Variants in PHF14 observed in about 807,000 individuals in gnomAD.
The protein encoded by PHF14 is PHD finger protein 14.
PHF14 carries 55 observed loss-of-function variants against 117.9 expected under a neutral mutation model. The observed-to-expected ratio is 0.47, with a 90% CI of 0.38 to 0.58. The LOEUF (loss-of-function observed/expected upper bound fraction) is 0.58. PHF14 is among the 20% of genes least tolerant of loss of function. The pLI, the probability that PHF14 is intolerant of heterozygous loss-of-function variation, is 0.00. For missense variants in PHF14, 978 were observed against 1,122.2 expected (o/e 0.87, Z 1.84); for synonymous variants, 409 against 368.6 (o/e 1.11, Z -1.26).
chr7:11,077,848 C>A (rs1161088109), intron 16 of PHF14, among the ~76,000 whole-genome samples: 2 of 152,174 alleles, frequency 1.3e-5, no homozygotes, highest in African/African-American at 4.8e-5. Flanking sequence ...CAAGTAAGAA[C>A]ATTATCTATC....
intron 16 of PHF14, among the ~76,000 whole-genome samples, chr7:11,077,526 A>G (rs1319765858): frequency 6.7e-6 from 1 of 149,244 alleles, no homozygotes; most frequent in Non-Finnish European, 1.5e-5. Context: ...ACTTGAACCC[A>G]GGAGGCAAAG....
At chr7:11,038,557 C>T (rs897506640) in intron 10 of PHF14, among the ~76,000 whole-genome samples, 10 of 151,260 alleles carry the variant, frequency 6.6e-5, no homozygotes, top group African/African-American at 2.4e-4. Context: ...ACTCGGGAAA[C>T]TGCAGCAGGA....
rs1192610858 is a variant in PHF14, at chr7:11,047,891, AAGGG to A, written c.2313-3713_2313-3710del. ...AAAGAGAGGAAGGAAGGGAGGAAAG[AAGGG>A]AGGGAGGAAGGAAGGAAAGGAAGGG... On this transcript the variant is annotated intron_variant, in intron 13 of 17. Coordinates refer to ENST00000634607, the MANE Select transcript of PHF14 (RefSeq NM_001007157.2). Among the ~76,000 whole-genome samples the A allele has an allele frequency of 3.0e-4, 36 of 118,210 alleles. No individual in the cohort carries two copies. The South Asian group carries it at 9.7e-3, about 32-fold the overall frequency. The allele number at this position is 118,210 out of a possible 152,430, so 77.6% of individuals were successfully genotyped here. A position where few individuals can be genotyped will look rare whatever the true frequency, so the allele number is the denominator to read the frequency against.
chr7:11,105,415 C>T (rs889624836), intron 16 of PHF14: 24 of 959,332 alleles, frequency 2.5e-5, no homozygotes, highest in Admixed American at 6.2e-5. Context: ...ATAAAACTCA[C>T]CACTATTTTA....
chr7:11,121,693 CA>C (rs968487644), intron 17 of PHF14, among the ~76,000 whole-genome samples: 9 of 152,148 alleles, frequency 5.9e-5, no homozygotes, highest in Non-Finnish European at 1.3e-4. Flanking sequence ...GTCACTGAGA[CA>C]GCTAAGTGAC....
chr7:11,110,152 T>C lies in PHF14; in HGVS notation c.2655-1198T>C, dbSNP rs373036263. 9.3e-5 allele frequency: 14 copies of C among 150,692 alleles called. No individual in the cohort carries two copies. The East Asian group carries it at 9.6e-4, about 10-fold the overall frequency. The allele number at this position is 150,692 out of a possible 1,614,324, so 9.3% of individuals were successfully genotyped here. On this transcript the variant is annotated intron_variant, in intron 16 of 17. Transcript: ENST00000634607. ...GATGGTTTCTTAAAGTCAATTGTTT[T>C]TCTTTGTGTGTTGTTTATGTAAGAA... is the stretch of plus-strand genomic sequence containing the variant.
chr7:11,086,090 C>G (rs1241610462), intron 16 of PHF14, among the ~76,000 whole-genome samples: 1 of 152,094 alleles, frequency 6.6e-6, no homozygotes, highest in African/African-American at 2.4e-5. Context: ...ATATGTAGTG[C>G]TTATTCTCCT....
intron 13 of PHF14, among the ~76,000 whole-genome samples, chr7:11,043,029 ATTC>A (rs1784549170): frequency 6.6e-6 from 1 of 151,962 alleles, no homozygotes. Context: ...TTAGCAATAG[ATTC>A]TTCTTTAAGG....
At chr7:11,058,794 A>G (rs919175635) in intron 14 of PHF14, among the ~76,000 whole-genome samples, 1 of 152,222 alleles carries the variant, frequency 6.6e-6, no homozygotes, top group Non-Finnish European at 1.5e-5. Flanking sequence ...TAGCCATGCA[A>G]GAAAAGTCAC....
intron 17 of PHF14, among the ~76,000 whole-genome samples, chr7:11,159,727 A>G (rs1437638997): frequency 6.6e-6 from 1 of 152,168 alleles, no homozygotes; most frequent in Non-Finnish European, 1.5e-5. Context: ...TTTCAACTGC[A>G]TGTGAACTAC....
At chr7:11,039,831 C>T (rs891386432) in intron 11 of PHF14, among the ~76,000 whole-genome samples, 2 of 151,992 alleles carry the variant, frequency 1.3e-5, no homozygotes, top group Non-Finnish European at 2.9e-5. Flanking sequence ...GGAGGATCAG[C>T]CTTTGTTCCT....
chr7:11,061,703 T>G lies in PHF14; in HGVS notation c.2482-88T>G, dbSNP rs1583424721. 2.9e-6 allele frequency: 3 copies of G among 1,042,408 alleles called. No homozygotes were observed. The East Asian group carries it at 8.6e-5, about 30-fold the overall frequency. The allele number at this position is 1,042,408 out of a possible 1,614,324, so 64.6% of individuals were successfully genotyped here. On this transcript the variant is annotated intron_variant, in intron 14 of 17. Coordinates refer to ENST00000634607, the MANE Select transcript of PHF14 (RefSeq NM_001007157.2). Reference sequence around the variant, plus strand: ...AGTGCCTAACCTAAGCAATAACATTTAACAGAGGAAATTTATATTTATTAT... The same window carrying G: ...AGTGCCTAACCTAAGCAATAACATTGAACAGAGGAAATTTATATTTATTAT...
intron 17 of PHF14, among the ~76,000 whole-genome samples, chr7:11,145,004 A>G (rs1788505229): frequency 6.6e-6 from 1 of 152,020 alleles, no homozygotes; most frequent in South Asian, 2.1e-4. Flanking sequence ...GTTTTATAAG[A>G]TAGGGTTATG....
intron 16 of PHF14, among the ~76,000 whole-genome samples, chr7:11,089,443 C>T (rs1786555138): frequency 6.6e-6 from 1 of 152,080 alleles, no homozygotes; most frequent in Non-Finnish European, 1.5e-5. Flanking sequence ...GTAATCCCAG[C>T]ACCTAGGGAG....
chr7:11,059,913 A>G (rs1260466639), intron 14 of PHF14, among the ~76,000 whole-genome samples: 1 of 152,160 alleles, frequency 6.6e-6, no homozygotes, highest in African/African-American at 2.4e-5. Flanking sequence ...CCTGTTGCTC[A>G]GGCTTGGAAT....
At chr7:11,087,473 A>G (rs1439130899) in intron 16 of PHF14, among the ~76,000 whole-genome samples, 1 of 152,134 alleles carries the variant, frequency 6.6e-6, no homozygotes, top group Non-Finnish European at 1.5e-5. Context: ...TACAGGCATG[A>G]GCCACTGCGC....
At chr7:10,976,039 A>G (rs1328702925) in intron 2 of PHF14, among the ~76,000 whole-genome samples, 2 of 152,186 alleles carry the variant, frequency 1.3e-5, no homozygotes, top group African/African-American at 4.8e-5. Context: ...ATACCATTTT[A>G]CAGGTAACAG....
chr7:11,132,042 A>G (rs569628880), intron 17 of PHF14, among the ~76,000 whole-genome samples: 3 of 151,944 alleles, frequency 2.0e-5, no homozygotes, highest in East Asian at 1.9e-4. Context: ...AAAAGTTACT[A>G]TAGTTCAAGT....
At chr7:11,092,733 C>T (rs559393274) in intron 16 of PHF14, among the ~76,000 whole-genome samples, 1 of 152,132 alleles carries the variant, frequency 6.6e-6, no homozygotes, top group Non-Finnish European at 1.5e-5. Context: ...TGTCATGAGA[C>T]CAAGAGCTCC....
Sources: gnomAD v4.1 joint callset for allele counts (sites outside exome capture counted in the v4.1 genomes callset) on GRCh38, gnomAD v4.1.1 for gene constraint, MANE v1.5 for transcripts, NCBI Gene and HGNC (gene_info 2026-07-23, HGNC 2026-07-21) for gene names.